ADCY8: variants seen among roughly 807,000 people sequenced by gnomAD.
ADCY8 encodes the protein adenylate cyclase 8, also known as adenylate cyclase type 8.
Under a neutral mutation model 119.7 loss-of-function variants are expected in ADCY8, and 51 were observed. That is an observed-to-expected ratio of 0.43 (90% CI 0.34 to 0.54). The LOEUF (loss-of-function observed/expected upper bound fraction) is 0.54. ADCY8 is among the 20% of genes least tolerant of loss of function. The pLI is 0.03. For synonymous variants in ADCY8, 665 were observed against 651.0 expected (o/e 1.02, Z -0.33); for missense variants, 1,383 against 1,598.8 (o/e 0.87, Z 2.30).
intron 1 of ADCY8, among the ~76,000 whole-genome samples, chr8:131,008,841 T>G (rs541542165): frequency 1.3e-5 from 2 of 152,188 alleles, no homozygotes; most frequent in Admixed American, 1.3e-4. Context: ...TGGTCTCAGA[T>G]GTAGATGAGA....
chr8:130,842,878 A>C (rs564961572), intron 11 of ADCY8, among the ~76,000 whole-genome samples: 1 of 151,612 alleles, frequency 6.6e-6, no homozygotes, highest in Admixed American at 6.6e-5. Flanking sequence ...TCTCAAAAAA[A>C]AAAAAAAAAA....
At chr8:130,917,791 G>A (rs1197978311) in intron 5 of ADCY8, among the ~76,000 whole-genome samples, 2 of 150,864 alleles carry the variant, frequency 1.3e-5, no homozygotes, top group African/African-American at 4.9e-5. Flanking sequence ...GTGTGTGTGT[G>A]TTGGGGGTGA....
intron 14 of ADCY8, 145 bp from the exon 15 acceptor site, chr8:130,800,717 CAG>C (rs1409655390): frequency 3.3e-6 from 3 of 897,334 alleles, no homozygotes; most frequent in Admixed American, 2.7e-5. Flanking sequence ...GTTATGTCAA[CAG>C]TGTGTTTTAG....
chr8:130,919,302 C>T (rs1181095936), intron 5 of ADCY8, among the ~76,000 whole-genome samples: 1 of 151,860 alleles, frequency 6.6e-6, no homozygotes, highest in Non-Finnish European at 1.5e-5. Context: ...AACTCACACT[C>T]GCACACACAC....
chr8:130,867,634 A>G (rs1351273149), intron 9 of ADCY8, among the ~76,000 whole-genome samples: 1 of 152,198 alleles, frequency 6.6e-6, no homozygotes, highest in Non-Finnish European at 1.5e-5. Flanking sequence ...GTTTTTATTA[A>G]GATTGGGAAA....
chr8:130,945,144 G>A (rs1382543271), intron 3 of ADCY8, among the ~76,000 whole-genome samples: 1 of 152,186 alleles, frequency 6.6e-6, no homozygotes, highest in African/African-American at 2.4e-5. Flanking sequence ...GTAATTCAAG[G>A]GCAGCCAGTC....
At chr8:131,026,479 A>C (rs1486314021) in intron 1 of ADCY8, among the ~76,000 whole-genome samples, 1 of 152,202 alleles carries the variant, frequency 6.6e-6, no homozygotes, top group Non-Finnish European at 1.5e-5. Flanking sequence ...ACAGGGATCT[A>C]AATCTACCTG....
chr8:130,807,318 C>A (rs999246795), intron 14 of ADCY8, among the ~76,000 whole-genome samples: 5 of 152,212 alleles, frequency 3.3e-5, no homozygotes, highest in Non-Finnish European at 7.3e-5. Flanking sequence ...CCTTTCATGT[C>A]ATTCAGGTCT....
At chr8:130,979,112 G>C (rs991381490) in intron 2 of ADCY8, among the ~76,000 whole-genome samples, 2 of 152,168 alleles carry the variant, frequency 1.3e-5, no homozygotes, top group African/African-American at 4.8e-5. Context: ...AAAGGAGAAA[G>C]CTGGAGCCTT....
intron 14 of ADCY8, among the ~76,000 whole-genome samples, chr8:130,808,485 G>A (rs1266253753): frequency 6.6e-6 from 1 of 152,220 alleles, no homozygotes; most frequent in African/African-American, 2.4e-5. Flanking sequence ...ATCAGATGAA[G>A]ATGCAGAGTA....
At chr8:131,032,341 T>C (rs1385579925) in intron 1 of ADCY8, among the ~76,000 whole-genome samples, 1 of 152,160 alleles carries the variant, frequency 6.6e-6, no homozygotes, top group Non-Finnish European at 1.5e-5. Context: ...GTGAAAGGGA[T>C]AGAAAACCCC....
In ADCY8 at chr8:131,039,547, C is replaced by A; in HGVS notation, c.787G>T (p.Gly263Cys). The A allele has an allele frequency of 6.2e-7, 1 of 1,613,762 alleles. No individual in the cohort carries two copies. Among genetic ancestry groups the A allele is most frequent in the Non-Finnish European group, 8.5e-7 (1 of 1,180,014 alleles). Residue 263 changes from glycine to cysteine, a missense_variant, in exon 1 of 18, where the codon GGC becomes TGC. By Grantham distance (159) the Gly-to-Cys change is radical (BLOSUM62 -3). Transcript: ENST00000286355. ...MTTQILAAGL[G>C]YGLLGDGIGY... Reference sequence around the variant, plus strand: ...ATGCCGTCGCCCAGGAGCCCGTAGCCGAGGCCTGCTGCCAGGATCTGGGTG... The same window carrying A: ...ATGCCGTCGCCCAGGAGCCCGTAGCAGAGGCCTGCTGCCAGGATCTGGGTG...
At chr8:130,917,700 T>G (rs1175947573) in intron 5 of ADCY8, among the ~76,000 whole-genome samples, 2 of 152,092 alleles carry the variant, frequency 1.3e-5, no homozygotes, top group Admixed American at 6.6e-5. Context: ...GAATTCTGGA[T>G]TTTTTAGGAC....
chr8:130,962,784 A>G (rs1323166044), intron 2 of ADCY8, among the ~76,000 whole-genome samples: 1 of 152,196 alleles, frequency 6.6e-6, no homozygotes, highest in Non-Finnish European at 1.5e-5. Flanking sequence ...GGCTCTCACA[A>G]ATGGAGAGAC....
intron 9 of ADCY8, among the ~76,000 whole-genome samples, chr8:130,854,803 GTCCCTCCCTCCCTCCCTCCC>G (rs71510435): frequency 9.4e-6 from 1 of 106,468 alleles, no homozygotes; most frequent in African/African-American, 4.4e-5. Context: ...CTTTCCCTCC[GTCCCTCCCTCCCTCCCTCCC>G]TCCCTCCCTC....
intron 14 of ADCY8, among the ~76,000 whole-genome samples, chr8:130,807,970 C>T (rs1345087474): frequency 4.0e-5 from 3 of 74,486 alleles, no homozygotes; most frequent in Admixed American, 2.5e-4. Context: ...GGTGACAGAG[C>T]GAGACTCCGT....
At chr8:130,799,508 C>T (rs1245892472) in intron 15 of ADCY8, among the ~76,000 whole-genome samples, 1 of 152,018 alleles carries the variant, frequency 6.6e-6, no homozygotes, top group Non-Finnish European at 1.5e-5. Flanking sequence ...TTTTTCCCGC[C>T]CCAAGCCCCT....
Position 130,836,445 on chromosome 8 carries a change from A to G in ADCY8, c.2507T>C (p.Phe836Ser), listed in dbSNP as rs368175473. Residue 836 changes from phenylalanine to serine, a missense_variant, in exon 12 of 18, where the codon TTT becomes TCT. By Grantham distance (155) the Phe-to-Ser change is radical. Transcript: ENST00000286355. The part of the protein sequence containing the change: ...FTDICSYPEY[F>S]VFTGVLAMVT... Reference sequence around the variant, plus strand: ...CATGGCCAACACCCCCGTGAAGACAAAGTACTGGAAACAGAGAATGCAGGT... The same window carrying G: ...CATGGCCAACACCCCCGTGAAGACAGAGTACTGGAAACAGAGAATGCAGGT... The G allele has an allele frequency of 1.2e-6, 2 of 1,613,036 alleles. No homozygotes were observed. The highest frequency in any genetic ancestry group is 2.7e-5 in the African/African-American group (2 of 74,870).
chr8:130,943,081 C>T (rs56085577), intron 4 of ADCY8, among the ~76,000 whole-genome samples: 12,587 of 152,134 alleles, frequency 0.083, 1,718 homozygotes, highest in African/African-American at 0.29. Flanking sequence ...ATGATAGGGG[C>T]GTGGAAAGCA....
Sources: gnomAD v4.1 joint callset for allele counts (sites outside exome capture counted in the v4.1 genomes callset) on GRCh38, gnomAD v4.1.1 for gene constraint, MANE v1.5 for transcripts, NCBI Gene and HGNC (gene_info 2026-07-23, HGNC 2026-07-21) for gene names.